MGAM2: variants seen among roughly 807,000 people sequenced by gnomAD.
MGAM2 encodes probable maltase-glucoamylase 2.
MGAM2 carries 98 observed loss-of-function variants against 96.1 expected under a neutral mutation model. The observed-to-expected ratio is 1.02, with a 90% confidence interval of 0.87 to 1.21. The LOEUF is 1.21. MGAM2 is among the 50% of genes most tolerant of loss of function. MGAM2 has a pLI of 0.00. For synonymous variants in MGAM2, 749 were observed against 414.8 expected (o/e 1.81, Z -9.79); for missense variants, 2,055 against 1,182.4 (o/e 1.74, Z -10.82).
intron 12 of MGAM2, 59 bp from the exon 13 acceptor site, chr7:142,143,710 C>T (rs543600468): frequency 6.7e-5 from 33 of 491,436 alleles, no homozygotes; most frequent in Non-Finnish European, 1.0e-4. Flanking sequence ...AAATCACTGT[C>T]GGTCAAAATG....
intron 21 of MGAM2, among the ~76,000 whole-genome samples, chr7:142,160,846 A>G (rs534409016): frequency 4.4e-4 from 67 of 152,250 alleles, no homozygotes; most frequent in African/African-American, 1.5e-3. Context: ...TGCCTGGCAC[A>G]TGGTAAACAC....
chr7:142,221,594 C>T lies in MGAM2; in HGVS notation c.7083C>T (p.Thr2361=), dbSNP rs1312271561. The T allele has an allele frequency of 9.9e-6, 5 of 505,270 alleles. No homozygotes were observed. The highest frequency in any genetic ancestry group is 7.3e-5 in the Admixed American group (2 of 27,414). 31.3% of individuals were successfully genotyped at this position (505,270 alleles called of 1,614,324 possible). ...TAATAGATGCTACGGTCACTACTACCAGCACCAAAGATAATACCATGAGTC... is the reference window on the plus strand; with the variant it reads ...TAATAGATGCTACGGTCACTACTACTAGCACCAAAGATAATACCATGAGTC... The part of the protein sequence containing the change: ...TMVIDATVTT[T]STKDNTMSPD... Residue 2361 remains threonine (T), a synonymous_variant, in exon 48 of 48, where the codon ACC becomes ACT. Coordinates refer to ENST00000477922, the MANE Select transcript of MGAM2 (RefSeq NM_001293626.2).
Position 142,131,562 on chromosome 7 carries a change from G to A in MGAM2, c.355G>A (p.Gly119Arg). 1.4e-6 allele frequency: 1 copy of A among 703,026 alleles called. No individual in the cohort carries two copies. Among genetic ancestry groups the A allele is most frequent in the South Asian group, 1.5e-5 (1 of 67,604 alleles). 43.5% of individuals were successfully genotyped at this position (703,026 alleles called of 1,614,324 possible). A position where few individuals can be genotyped will look rare whatever the true frequency, so the allele number is the denominator to read the frequency against. ...LKRLPSPSLF[G>R]NDVATTLFTA... ...AAGGTTGCCATCACCATCTCTGTTTGGAAATGATGTCGCCACCACCCTTTT... is the reference window on the plus strand; with the variant it reads ...AAGGTTGCCATCACCATCTCTGTTTAGAAATGATGTCGCCACCACCCTTTT... The change falls in exon 5 of 48, where the codon GGA becomes AGA. Residue 119 changes from glycine (G) to arginine (R), a missense_variant. Gly to Arg is a moderately radical substitution (Grantham distance 125). Transcript: ENST00000477922.
intron 37 of MGAM2, among the ~76,000 whole-genome samples, chr7:142,190,880 A>G (rs779837110): frequency 2.2e-4 from 33 of 152,016 alleles, no homozygotes; most frequent in Non-Finnish European, 4.6e-4. Flanking sequence ...CACACCTGTA[A>G]TCTCAGTACT....
intron 46 of MGAM2, among the ~76,000 whole-genome samples, chr7:142,215,261 T>A (rs1317495738): frequency 6.6e-6 from 1 of 151,916 alleles, no homozygotes; most frequent in African/African-American, 2.4e-5. Context: ...TGAGAACATA[T>A]GGGCACAGAG....
chr7:142,205,717 C>T (rs58796382), intron 45 of MGAM2, among the ~76,000 whole-genome samples: 1,570 of 152,076 alleles, frequency 0.01, 28 homozygotes, highest in African/African-American at 0.036. Flanking sequence ...GTCCCTTATC[C>T]GATGCAGGAT....
At chr7:142,127,433 T>C (rs77985421) in intron 3 of MGAM2, among the ~76,000 whole-genome samples, 2 of 152,212 alleles carry the variant, frequency 1.3e-5, no homozygotes, top group Admixed American at 1.3e-4. Flanking sequence ...TCTTTGGTTG[T>C]TTTCTTTTGT....
chr7:142,214,515 TAGAC>T (rs147086788), intron 46 of MGAM2, among the ~76,000 whole-genome samples: 1,685 of 151,668 alleles, frequency 0.011, 27 homozygotes, highest in African/African-American at 0.038. Flanking sequence ...ACACCAATAA[TAGAC>T]AGCCAAATCA....
chr7:142,149,675 G>T (rs1795502105), intron 15 of MGAM2, among the ~76,000 whole-genome samples: 1 of 151,856 alleles, frequency 6.6e-6, no homozygotes, highest in South Asian at 2.1e-4. Context: ...CAAGTAGCTG[G>T]GACTACAGGC....
intron 45 of MGAM2, chr7:142,208,215 CAT>C (rs1797467946): frequency 4.2e-6 from 2 of 473,130 alleles, no homozygotes; most frequent in South Asian, 3.1e-5. Flanking sequence ...GCTTTATCAT[CAT>C]AGTCTTTAAC....
intron 14 of MGAM2, among the ~76,000 whole-genome samples, chr7:142,145,461 T>G (rs187420876): frequency 5.9e-5 from 9 of 152,210 alleles, no homozygotes; most frequent in Admixed American, 1.3e-4. Flanking sequence ...GCATCAGTGG[T>G]GCCTTCAAGG....
intron 30 of MGAM2, 35 bp from the exon 31 acceptor site, chr7:142,173,193 GA>G (rs1449824910): frequency 1.4e-6 from 1 of 701,792 alleles, no homozygotes; most frequent in Non-Finnish European, 2.6e-6. Flanking sequence ...TCTTCCCTAA[GA>G]AATCTTTCTG....
intron 31 of MGAM2, 76 bp from the exon 32 acceptor site, chr7:142,175,576 G>A (rs1201118405): frequency 1.5e-6 from 1 of 668,678 alleles, no homozygotes. Flanking sequence ...AGGACCAGGG[G>A]CCTGGCAGAG....
In MGAM2 at chr7:142,161,282, T is replaced by C. The variant is rs1585175271; in HGVS notation, c.2434+69T>C. The stretch of plus-strand genomic sequence containing the variant: ...TCCCTGAAAATTAGTCATCATAGGC[T>C]GCCCAATATGGCACTAACCCTATTA... On this transcript the variant is annotated intron_variant, in intron 22 of 47. Coordinates refer to ENST00000477922, the MANE Select transcript of MGAM2 (RefSeq NM_001293626.2). 16 of 686,804 alleles carry C rather than the reference T, an allele frequency of 2.3e-5. No individual in the cohort carries two copies. In the East Asian group the frequency reaches 4.3e-4, roughly 19 times the overall value. The allele number at this position is 686,804 out of a possible 1,614,324, so 42.5% of individuals were successfully genotyped here. A position where few individuals can be genotyped will look rare whatever the true frequency, so the allele number is the denominator to read the frequency against.
In MGAM2 at chr7:142,175,874, A is replaced by T. The variant is rs914759717; in HGVS notation, c.3816+94A>T. The T allele has an allele frequency of 6.2e-6, 4 of 644,976 alleles. No homozygotes were observed. In the African/African-American group the frequency reaches 7.2e-5, roughly 12 times the overall value. 40.0% of individuals were successfully genotyped at this position (644,976 alleles called of 1,614,324 possible). ...TGGGAAACTGGATGAAGGGTACCAGAAATGTTCCTGTACTCTGTACTTTTT... is the reference window on the plus strand; with the variant it reads ...TGGGAAACTGGATGAAGGGTACCAGTAATGTTCCTGTACTCTGTACTTTTT... On this transcript the variant is annotated intron_variant, in intron 32 of 47. Transcript: ENST00000477922.
At chr7:142,185,897 T>A in intron 34 of MGAM2, 92 bp from the exon 35 acceptor site, 1 of 634,274 alleles carries the variant, frequency 1.6e-6, no homozygotes, top group Non-Finnish European at 2.9e-6. Context: ...CAGAGACTGA[T>A]CTGGGCAGGC....
intron 35 of MGAM2, 51 bp downstream of exon 35, chr7:142,186,174 T>C (rs1307310605): frequency 1.5e-6 from 1 of 686,756 alleles, no homozygotes; most frequent in African/African-American, 1.8e-5. Flanking sequence ...TGTTAGCAAG[T>C]CAAAACATGG....
chr7:142,158,417 A>G (rs1295143870), intron 19 of MGAM2, 85 bp downstream of exon 19: 1 of 646,474 alleles, frequency 1.5e-6, no homozygotes, highest in Non-Finnish European at 2.8e-6. Context: ...CCTATCTATG[A>G]CTGCATTTAT....
At chr7:142,171,241 C>CA in intron 27 of MGAM2, 31 bp from the exon 28 acceptor site, 1 of 701,876 alleles carries the variant, frequency 1.4e-6, no homozygotes, top group Non-Finnish European at 2.6e-6. Context: ...CAGTGGTCTC[C>CA]AGCTCAGCGT....
Sources: gnomAD v4.1 joint callset for allele counts (sites outside exome capture counted in the v4.1 genomes callset) on GRCh38, gnomAD v4.1.1 for gene constraint, MANE v1.5 for transcripts, NCBI Gene and HGNC (gene_info 2026-07-23, HGNC 2026-07-21) for gene names.